The following KIF26B variants were observed in gnomAD, a reference collection of about 807,000 sequenced individuals.
The protein encoded by KIF26B is kinesin-like protein KIF26B.
In KIF26B, 63 loss-of-function variants were observed where a neutral mutation model predicts 151.2. The observed-to-expected ratio is 0.42, with a 90% CI of 0.34 to 0.51. The LOEUF is 0.51. Ranked by LOEUF, KIF26B falls within the 20% of genes least tolerant of loss-of-function variation. KIF26B has a pLI of 0.07. For missense variants in KIF26B, 2,813 were observed against 2,913.6 expected, an observed-to-expected ratio of 0.97 and a Z score of 0.79; for synonymous variants, 1,357 against 1,262.1, an observed-to-expected ratio of 1.08 and a Z score of -1.59.
At chr1:245,368,860 C>T (rs113659711) in intron 3 of KIF26B, among the ~76,000 whole-genome samples, 2,091 of 152,140 alleles carry the variant, frequency 0.014, 21 homozygotes, top group Non-Finnish European at 0.017. Flanking sequence ...CTTTGCTGGG[C>T]GTGGTGGCTC....
At chr1:245,573,248 G>A (rs1395843375) in intron 5 of KIF26B, among the ~76,000 whole-genome samples, 1 of 152,194 alleles carries the variant, frequency 6.6e-6, no homozygotes, top group African/African-American at 2.4e-5. Flanking sequence ...ATGAGGCCGG[G>A]AGCAGCGGCT....
At chr1:245,273,968 T>C (rs1055035753) in intron 2 of KIF26B, among the ~76,000 whole-genome samples, 3 of 152,206 alleles carry the variant, frequency 2.0e-5, no homozygotes, top group African/African-American at 7.2e-5. Flanking sequence ...TTTGTTTCCC[T>C]CATTTTTCTT....
At position 245,705,261 on chromosome 1, in the gene KIF26B, C is replaced by T. The variant is rs918449795; in HGVS notation, c.*2655C>T. On this transcript the variant is annotated 3_prime_UTR_variant, in exon 15 of 15. Coordinates refer to ENST00000407071, the MANE Select transcript of KIF26B (RefSeq NM_018012.4). ...ATGCTTTATGTTGATGTTGTCCATT[C>T]TCTCTCTCTTCTCTTTGCTTTTTTT... 6.6e-6 allele frequency: 1 copy of T among 152,160 alleles called. No homozygotes were observed. The highest frequency in any genetic ancestry group is 2.4e-5 in the African/African-American group (1 of 41,416). The allele number at this position is 152,160 out of a possible 1,614,324, so 9.4% of individuals were successfully genotyped here.
chr1:245,536,894 C>T (rs796264080), intron 4 of KIF26B, among the ~76,000 whole-genome samples: 59 of 152,270 alleles, frequency 3.9e-4, no homozygotes, highest in African/African-American at 1.3e-3. Context: ...AGAAAGGAAG[C>T]CAGGGAGAGG....
At chr1:245,316,422 C>T (rs1366191552) in intron 2 of KIF26B, among the ~76,000 whole-genome samples, 7 of 152,132 alleles carry the variant, frequency 4.6e-5, no homozygotes, top group African/African-American at 1.2e-4. Context: ...CCGCGTCCGG[C>T]CCCTGGGTGC....
At chr1:245,574,392 C>T (rs1396080374) in intron 5 of KIF26B, among the ~76,000 whole-genome samples, 1 of 152,194 alleles carries the variant, frequency 6.6e-6, no homozygotes, top group African/African-American at 2.4e-5. Context: ...GGTCTGCCCG[C>T]CTCGACCTCC....
chr1:245,567,577 A>T (rs1285966614), intron 5 of KIF26B, among the ~76,000 whole-genome samples: 1 of 152,178 alleles, frequency 6.6e-6, no homozygotes, highest in Non-Finnish European at 1.5e-5. Context: ...CTCCAAAGGC[A>T]TGGGGGGATG....
chr1:245,223,781 C>T (rs1558351558), intron 2 of KIF26B, among the ~76,000 whole-genome samples: 1 of 152,156 alleles, frequency 6.6e-6, no homozygotes, highest in Non-Finnish European at 1.5e-5. Flanking sequence ...CATTTTTCTC[C>T]TCTACACTGT....
intron 2 of KIF26B, among the ~76,000 whole-genome samples, chr1:245,315,800 G>T (rs1671760910): frequency 6.6e-6 from 1 of 152,134 alleles, no homozygotes; most frequent in Non-Finnish European, 1.5e-5. Flanking sequence ...GCTGACGTGG[G>T]AGGATTACTT....
chr1:245,195,657 A>T (rs150198802), intron 2 of KIF26B, among the ~76,000 whole-genome samples: 1 of 152,204 alleles, frequency 6.6e-6, no homozygotes, highest in African/African-American at 2.4e-5. Context: ...GAGGCTGAGC[A>T]TGTCGAGTGC....
chr1:245,647,511 T>G (rs1324208080), intron 10 of KIF26B, among the ~76,000 whole-genome samples: 1 of 152,064 alleles, frequency 6.6e-6, no homozygotes, highest in African/African-American at 2.4e-5. Flanking sequence ...AAAGTCTGGT[T>G]ACACCTATCT....
At chr1:245,468,382 C>T (rs1332481948) in intron 4 of KIF26B, among the ~76,000 whole-genome samples, 1 of 152,124 alleles carries the variant, frequency 6.6e-6, no homozygotes, top group African/African-American at 2.4e-5. Flanking sequence ...CCAGACACCT[C>T]ATTGCCTCTG....
chr1:245,567,905 C>T (rs1003814597), intron 5 of KIF26B, among the ~76,000 whole-genome samples: 4 of 151,934 alleles, frequency 2.6e-5, no homozygotes, highest in Non-Finnish European at 5.9e-5. Flanking sequence ...TTAAAGGGGC[C>T]GGGCACGGTG....
In KIF26B at chr1:245,241,575, A is replaced by G. The variant is rs1010779032; in HGVS notation, c.465+84892A>G. 6.6e-6 allele frequency among the ~76,000 whole-genome samples: 1 copy of G among 152,226 alleles called. No homozygotes were observed. The highest frequency in any genetic ancestry group is 1.5e-5 in the Non-Finnish European group (1 of 68,040). Reference sequence around the variant, plus strand: ...GAGGGCCTTCTTAAAAGCTGGCCCAAACCTGCCCTTTCCTTGCAGCCCAAT... The same window carrying G: ...GAGGGCCTTCTTAAAAGCTGGCCCAGACCTGCCCTTTCCTTGCAGCCCAAT... On this transcript the variant is annotated intron_variant, in intron 2 of 14. Coordinates refer to ENST00000407071, the MANE Select transcript of KIF26B (RefSeq NM_018012.4). This position sits in a 1 kb window ranked among gnomAD's most constrained non-coding sequence, Gnocchi z 5.0.
At position 245,417,375 on chromosome 1, in the gene KIF26B, G is replaced by T. The variant is rs115506661; in HGVS notation, c.1000-2204G>T. On this transcript the variant is annotated intron_variant, in intron 3 of 14. Transcript: ENST00000407071. The stretch of plus-strand genomic sequence containing the variant: ...GTGCTAGGAATGGTTTAAGAGTCAG[G>T]GTCCTATTCCTAGATACAAATTGGC... Among the ~76,000 whole-genome samples, 1,191 of 151,908 alleles carry T rather than the reference G, an allele frequency of 7.8e-3. 23 individuals carry two copies. Among genetic ancestry groups the T allele is most frequent in the African/African-American group, 0.028 (1,157 of 41,402 alleles).
chr1:245,289,455 A>C (rs759071317), intron 2 of KIF26B, among the ~76,000 whole-genome samples: 11 of 152,212 alleles, frequency 7.2e-5, no homozygotes, highest in Non-Finnish European at 1.3e-4. Flanking sequence ...GATAGCAGAA[A>C]ATGAGAAGGA....
rs6669585 is a variant in KIF26B at position 245,685,496 on chromosome 1, C to T, written c.2513C>T (p.Thr838Met). Residue 838 changes from threonine (T) to methionine (M), a missense_variant, in exon 12 of 15, where the codon ACG (threonine) becomes ATG (methionine). Physicochemically the swap from Thr to Met is moderately conservative, Grantham distance 81. This residue lies in a region of KIF26B where 2,060 missense variants were observed against 2,088.6 expected (regional missense o/e 0.99). Coordinates refer to ENST00000407071, the MANE Select transcript of KIF26B (RefSeq NM_018012.4). The stretch of plus-strand genomic sequence containing the variant: ...CTGAGACCCTTCCACACCAGGGCCA[C>T]GGTGGACCCTGACTTCCCCATCGCT... ...TQLRPFHTRA[T>M]VDPDFPIAHL... The T allele has an allele frequency of 8.5e-5, 137 of 1,613,742 alleles. No individual in the cohort carries two copies. In the East Asian group the frequency reaches 1.4e-3, roughly 17 times the overall value.
At chr1:245,616,913 C>A (rs907471781) in intron 9 of KIF26B, among the ~76,000 whole-genome samples, 4 of 152,168 alleles carry the variant, frequency 2.6e-5, no homozygotes, top group Non-Finnish European at 5.9e-5. Flanking sequence ...TCAAGGTCCA[C>A]AATGACACCG....
At chr1:245,695,674 G>A (rs1246053408) in intron 12 of KIF26B, among the ~76,000 whole-genome samples, 6 of 152,188 alleles carry the variant, frequency 3.9e-5, no homozygotes, top group Admixed American at 6.5e-5. Context: ...AGGAGGCAAT[G>A]GGAAGGAAGT....
Sources: gnomAD v4.1 joint callset for allele counts (sites outside exome capture counted in the v4.1 genomes callset) on GRCh38, gnomAD v4.1.1 for gene constraint, gnomAD v4.1.1 regional missense constraint, Gnocchi (gnomAD v3.1) non-coding constraint, MANE v1.5 for transcripts, NCBI Gene and HGNC (gene_info 2026-07-23, HGNC 2026-07-21) for gene names.